Variants in PCDHGB5 observed in about 807,000 individuals in gnomAD.
PCDHGB5 encodes the protein protocadherin gamma subfamily B, 5.
In PCDHGB5, 48 loss-of-function variants were observed where a neutral mutation model predicts 62.9. The ratio of observed to expected loss-of-function variants is 0.76; its 90% CI spans 0.61 to 0.97. The LOEUF is 0.97. Among genes scored for constraint, PCDHGB5 ranks in the 50% least tolerant of loss-of-function variants. The pLI is 0.00. For missense variants in PCDHGB5, 1,118 were observed against 1,198.6 expected (o/e 0.93, Z 0.99); for synonymous variants, 474 against 511.2 (o/e 0.93, Z 0.98).
intron 1 of PCDHGB5, chr5:141,419,854 A>G: frequency 1.9e-6 from 3 of 1,614,078 alleles, no homozygotes; most frequent in Non-Finnish European, 2.5e-6. Flanking sequence ...TGGTGTTCGC[A>G]GATAGCTTGC....
chr5:141,482,923 AT>A (rs1193255251), intron 1 of PCDHGB5, among the ~76,000 whole-genome samples: 10 of 152,074 alleles, frequency 6.6e-5, no homozygotes, highest in Non-Finnish European at 1.5e-4. Context: ...AATACAAAAA[AT>A]TAGCCAGGTG....
intron 3 of PCDHGB5, chr5:141,507,000 TGA>T (rs1235660361): frequency 1.3e-5 from 2 of 152,218 alleles, no homozygotes; most frequent in African/African-American, 4.8e-5. Flanking sequence ...ACTCGACAGA[TGA>T]GAGAACCGAG....
intron 1 of PCDHGB5, chr5:141,430,643 T>C (rs1432236231): frequency 2.1e-6 from 2 of 947,068 alleles, no homozygotes; most frequent in Non-Finnish European, 3.0e-6. Context: ...CCTGGGAGTA[T>C]GTGGAAACAA....
rs550977374 is a variant in PCDHGB5, at chr5:141,447,118, G to A, written c.2397+46594G>A. 9.2e-5 allele frequency among the ~76,000 whole-genome samples: 14 copies of A among 151,984 alleles called. No individual in the cohort carries two copies. The East Asian group carries it at 2.7e-3, about 29-fold the overall frequency. ...TTCACATGATTATATGTGCTCCATGGATTTTTTTGTTTGTTTGTTTTTTGT... is the reference window on the plus strand; with the variant it reads ...TTCACATGATTATATGTGCTCCATGAATTTTTTTGTTTGTTTGTTTTTTGT... On this transcript the variant is annotated intron_variant, in intron 1 of 3. Transcript: ENST00000617380.
Position 141,475,863 on chromosome 5 carries a change from C to G in PCDHGB5, c.2398-18944C>G, listed in dbSNP as rs1037784260. On this transcript the variant is annotated intron_variant, in intron 1 of 3. Transcript: ENST00000617380. ...TCAGAGAGCCCGGCGCTAGCTCATT[C>G]TTCGTGCAGTTATTGGCTGGGACTC... is the stretch of plus-strand genomic sequence containing the variant. 1.4e-5 allele frequency: 7 copies of G among 499,790 alleles called. 1 individual carries two copies. The highest frequency in any genetic ancestry group is 1.4e-4 in the African/African-American group (7 of 51,600). The allele number at this position is 499,790 out of a possible 1,614,324, so 31.0% of individuals were successfully genotyped here. A position where few individuals can be genotyped will look rare whatever the true frequency, so the allele number is the denominator to read the frequency against.
chr5:141,399,788 A>T lies in PCDHGB5; in HGVS notation c.1661A>T (p.Asn554Ile). 1 of 1,613,174 alleles carries T rather than the reference A, an allele frequency of 6.2e-7. No homozygotes were observed. The highest frequency in any genetic ancestry group is 1.1e-5 in the South Asian group (1 of 91,042). The change falls in exon 1 of 4, where the codon AAC becomes ATC. Residue 554 changes from asparagine to isoleucine, a missense_variant. Around this residue, in one of 2 missense-constraint regions of PCDHGB5, gnomAD observed 1,034 missense variants for 1,029.1 expected, o/e 1.00. Coordinates refer to ENST00000617380, the MANE Select transcript of PCDHGB5 (RefSeq NM_018925.3). ...LRVLVGDRNDNAPRVLYPALG... is the reference protein window; with the variant it reads ...LRVLVGDRNDIAPRVLYPALG... Reference sequence around the variant, plus strand: ...GTGTTGGTGGGCGACCGAAACGACAACGCACCGCGGGTGCTGTACCCCGCG... The same window carrying T: ...GTGTTGGTGGGCGACCGAAACGACATCGCACCGCGGGTGCTGTACCCCGCG...
At chr5:141,403,877 T>A in intron 1 of PCDHGB5, 1 of 1,613,796 alleles carries the variant, frequency 6.2e-7, no homozygotes, top group Non-Finnish European at 8.5e-7. Context: ...AAGTCTAGAT[T>A]ATGAAGAATG....
Position 141,432,757 on chromosome 5 carries a change from C to T in PCDHGB5, c.2397+32233C>T. On this transcript the variant is annotated intron_variant, in intron 1 of 3. Coordinates refer to ENST00000617380, the MANE Select transcript of PCDHGB5 (RefSeq NM_018925.3). This position sits in a 1 kb window ranked among gnomAD's most constrained non-coding sequence, Gnocchi z 6.0. ...TCACGCTCACCGTGGCCGTGGCCGA[C>T]AGCATCCCCCAAGTCCTGGCGGACC... is the stretch of plus-strand genomic sequence containing the variant. 1.2e-6 allele frequency: 2 copies of T among 1,614,150 alleles called. No individual in the cohort carries two copies. Among genetic ancestry groups the T allele is most frequent in the African/African-American group, 1.3e-5 (1 of 75,076 alleles).
intron 3 of PCDHGB5, among the ~76,000 whole-genome samples, chr5:141,507,500 A>G (rs2099861039): frequency 6.6e-6 from 1 of 152,206 alleles, no homozygotes; most frequent in Admixed American, 6.5e-5. Flanking sequence ...GAGCTGTCCC[A>G]GGTCTGGTGG....
At chr5:141,435,510 T>C (rs72790047) in intron 1 of PCDHGB5, among the ~76,000 whole-genome samples, 9,714 of 152,280 alleles carry the variant, frequency 0.064, 363 homozygotes, top group African/African-American at 0.099. Context: ...ATGATACTAA[T>C]GATGACTTTG....
chr5:141,441,867 G>T, intron 1 of PCDHGB5: 1 of 345,800 alleles, frequency 2.9e-6, no homozygotes, highest in Non-Finnish European at 5.6e-6. Flanking sequence ...ACGCCGCGGA[G>T]CCTGGCTACC....
At chr5:141,403,565 G>A in intron 1 of PCDHGB5, 8 of 1,613,952 alleles carry the variant, frequency 5.0e-6, no homozygotes, top group Non-Finnish European at 6.8e-6. Context: ...CAGGGAGGAG[G>A]CAACTGCCCA....
At chr5:141,422,446 A>G in intron 1 of PCDHGB5, 1 of 1,610,700 alleles carries the variant, frequency 6.2e-7, no homozygotes, top group South Asian at 1.1e-5. Context: ...CAAATTGATA[A>G]CAAGCAGAGT....
chr5:141,408,673 C>T (rs1397679515), intron 1 of PCDHGB5: 3 of 1,613,854 alleles, frequency 1.9e-6, no homozygotes, highest in Non-Finnish European at 2.5e-6. Flanking sequence ...TTGACCCTGC[C>T]ACGGATCCTG....
intron 1 of PCDHGB5, chr5:141,415,799 C>T (rs1037967294): frequency 5.2e-6 from 7 of 1,335,782 alleles, no homozygotes; most frequent in Non-Finnish European, 6.7e-6. Context: ...CACCTAGTCT[C>T]AATCAAGGCC....
At chr5:141,426,933 G>A (rs1294433096) in intron 1 of PCDHGB5, 1 of 456,660 alleles carries the variant, frequency 2.2e-6, no homozygotes, top group Non-Finnish European at 4.4e-6. Context: ...GGACATGGGT[G>A]ACCCAGTCCC....
intron 1 of PCDHGB5, among the ~76,000 whole-genome samples, chr5:141,462,769 G>T (rs1462290112): frequency 6.6e-6 from 1 of 151,956 alleles, no homozygotes; most frequent in African/African-American, 2.4e-5. Flanking sequence ...TCCTGGCTTG[G>T]GGTCATAATT....
At position 141,431,367 on chromosome 5, in the gene PCDHGB5, A is replaced by G; in HGVS notation, c.2397+30843A>G. 1.2e-6 allele frequency: 2 copies of G among 1,613,984 alleles called. No homozygotes were observed. The highest frequency in any genetic ancestry group is 2.2e-5 in the South Asian group (2 of 91,084). On this transcript the variant is annotated intron_variant, in intron 1 of 3. Coordinates refer to ENST00000617380, the MANE Select transcript of PCDHGB5 (RefSeq NM_018925.3). This position sits in a 1 kb window ranked among gnomAD's most constrained non-coding sequence, Gnocchi z 4.8. ...GTGCTGAAACGCGCCCTGGACCGCGAAGAAAAGGCTGCTCACCACCTGGTC... is the reference window on the plus strand; with the variant it reads ...GTGCTGAAACGCGCCCTGGACCGCGGAGAAAAGGCTGCTCACCACCTGGTC...
rs1289513674 is a variant in PCDHGB5 at position 141,432,063 on chromosome 5, A to T, written c.2397+31539A>T. On this transcript the variant is annotated intron_variant, in intron 1 of 3. Coordinates refer to ENST00000617380, the MANE Select transcript of PCDHGB5 (RefSeq NM_018925.3). The surrounding 1 kb of genome is among the most constrained non-coding windows in gnomAD (Gnocchi z 6.0). ...CGGGGAACCCCGCCCCTATCCACGG[A>T]AACTCATATCTCGCTGAACGTGGCA... The T allele has an allele frequency of 8.7e-6, 14 of 1,614,134 alleles. No individual in the cohort carries two copies. The highest frequency in any genetic ancestry group is 1.2e-5 in the Non-Finnish European group (14 of 1,180,028).
Sources: gnomAD v4.1 joint callset for allele counts (sites outside exome capture counted in the v4.1 genomes callset) on GRCh38, gnomAD v4.1.1 for gene constraint, gnomAD v4.1.1 regional missense constraint, Gnocchi (gnomAD v3.1) non-coding constraint, MANE v1.5 for transcripts, NCBI Gene and HGNC (gene_info 2026-07-23, HGNC 2026-07-21) for gene names.